Variants in PVALB observed in about 807,000 individuals in gnomAD.
PVALB encodes the protein parvalbumin alpha.
In PVALB, 11 loss-of-function variants were observed where a neutral mutation model predicts 10.9. That is an observed-to-expected ratio of 1.01 (90% CI 0.63 to 1.67). The LOEUF is 1.67. PVALB is among the 40% of genes most tolerant of loss of function. The probability of loss-of-function intolerance (pLI) is 0.00; values close to 1 mark genes in which losing one functional copy is unlikely to be tolerated. For missense variants in PVALB, 131 were observed against 136.2 expected (o/e 0.96, Z 0.19); for synonymous variants, 57 against 50.7 (o/e 1.12, Z -0.53).
intron 1 of PVALB, 92 bp downstream of exon 1, chr22:36,816,853 G>C (rs903762070): frequency 6.0e-6 from 7 of 1,165,490 alleles, no homozygotes; most frequent in Non-Finnish European, 8.3e-6. Context: ...AAGCGCGCTG[G>C]GGAGGATCCG....
rs1939150706 is a variant in PVALB at position 36,816,968 on chromosome 22, T to C, written c.38A>G (p.Lys13Arg). 6.2e-7 allele frequency: 1 copy of C among 1,609,696 alleles called. No individual in the cohort carries two copies. Among genetic ancestry groups the C allele is most frequent in the Non-Finnish European group, 8.5e-7 (1 of 1,178,892 alleles). Residue 13 changes from lysine (K) to arginine (R), a missense_variant, in exon 1 of 4, where the codon AAG becomes AGG. Lys to Arg is a conservative substitution (Grantham distance 26). Transcript: ENST00000417718. ...MTDLLNAEDI[K>R]KAVGAFSATD... ...ACCGCTAAAGGCTCCCACCGCCTTC[T>C]TGATGTCCTCAGCGTTCAGCAAGTC... is the stretch of plus-strand genomic sequence containing the variant.
chr22:36,805,986 T>C (rs1938943092), intron 3 of PVALB, among the ~76,000 whole-genome samples: 1 of 152,150 alleles, frequency 6.6e-6, no homozygotes, highest in African/African-American at 2.4e-5. Context: ...GCAACTTAGT[T>C]CCTGATCCTC....
chr22:36,807,106 G>C (rs971200507), intron 3 of PVALB, among the ~76,000 whole-genome samples: 1 of 152,186 alleles, frequency 6.6e-6, no homozygotes, highest in East Asian at 1.9e-4. Context: ...AAGTCCACAC[G>C]GGAATAAAAA....
chr22:36,801,179 C>T (rs938499725), intron 3 of PVALB, among the ~76,000 whole-genome samples: 1 of 152,192 alleles, frequency 6.6e-6, no homozygotes, highest in African/African-American at 2.4e-5. Context: ...ATAATAACTA[C>T]ACTAATAACA....
chr22:36,800,948 T>G, intron 3 of PVALB, 30 bp from the exon 4 acceptor site: 1 of 1,576,460 alleles, frequency 6.3e-7, no homozygotes, highest in Non-Finnish European at 8.7e-7. Flanking sequence ...GGAAAGTGAG[T>G]CAGAGGCGGG....
intron 3 of PVALB, among the ~76,000 whole-genome samples, chr22:36,804,278 T>G (rs952634740): frequency 1.3e-5 from 2 of 152,130 alleles, no homozygotes; most frequent in Non-Finnish European, 2.9e-5. Flanking sequence ...GGGACACCAA[T>G]GAGGGACTCT....
chr22:36,813,889 C>A (rs1195905886), intron 2 of PVALB, 134 bp from the exon 3 acceptor site: 8 of 713,992 alleles, frequency 1.1e-5, no homozygotes, highest in Admixed American at 2.1e-5. Flanking sequence ...CAGTCACGCA[C>A]ACGGATGCTC....
At chr22:36,804,683 C>T (rs1291392445) in intron 3 of PVALB, among the ~76,000 whole-genome samples, 2 of 152,206 alleles carry the variant, frequency 1.3e-5, no homozygotes, top group Non-Finnish European at 2.9e-5. Flanking sequence ...TGCCTGTAAT[C>T]ACAGCACTTT....
intron 3 of PVALB, among the ~76,000 whole-genome samples, chr22:36,809,627 C>A (rs1243607678): frequency 6.6e-6 from 1 of 152,146 alleles, no homozygotes; most frequent in East Asian, 1.9e-4. Context: ...GTATACACTT[C>A]AGAGATAGCT....
intron 3 of PVALB, among the ~76,000 whole-genome samples, chr22:36,802,185 A>T (rs1455599795): frequency 6.6e-6 from 1 of 152,168 alleles, no homozygotes; most frequent in Non-Finnish European, 1.5e-5. Context: ...AGCTGGGTGA[A>T]GGGTGTACAG....
In PVALB at chr22:36,800,809, G is replaced by T; in HGVS notation, c.*81C>A. On this transcript the variant is annotated 3_prime_UTR_variant, in exon 4 of 4. Transcript: ENST00000417718. ...AAAAATAACATAAACGAACTGAACA[G>T]AAATGCAGGAGGGTGGCGAGAGGGG... 1 of 1,457,126 alleles carries T rather than the reference G, an allele frequency of 6.9e-7. No homozygotes were observed. The highest frequency in any genetic ancestry group is 9.6e-7 in the Non-Finnish European group (1 of 1,037,338). The allele number at this position is 1,457,126 out of a possible 1,614,324, so 90.3% of individuals were successfully genotyped here. A position where few individuals can be genotyped will look rare whatever the true frequency, so the allele number is the denominator to read the frequency against.
At chr22:36,812,616 A>C (rs5750310) in intron 3 of PVALB, among the ~76,000 whole-genome samples, 59,696 of 151,660 alleles carry the variant, frequency 0.39, 14,015 homozygotes, top group East Asian at 0.7. Flanking sequence ...GTAGTTATCA[A>C]ATTACGCAAG....
At chr22:36,819,068 A>G (rs1282742853), upstream of PVALB, among the ~76,000 whole-genome samples, 1 of 152,066 alleles carries the variant, frequency 6.6e-6, no homozygotes, top group Non-Finnish European at 1.5e-5. Flanking sequence ...CAGAGCATCA[A>G]TGTCATTAGG....
At chr22:36,803,147 A>T (rs1410573232) in intron 3 of PVALB, among the ~76,000 whole-genome samples, 1 of 152,168 alleles carries the variant, frequency 6.6e-6, no homozygotes, top group East Asian at 1.9e-4. Context: ...TGCATTTTAC[A>T]GATGGGGAAA....
intron 3 of PVALB, among the ~76,000 whole-genome samples, chr22:36,811,731 T>A (rs897987050): frequency 3.3e-5 from 5 of 152,062 alleles, no homozygotes; most frequent in African/African-American, 1.2e-4. Flanking sequence ...GAGGCCAGGG[T>A]CAGGGTTCAG....
Position 36,813,449 on chromosome 22 carries a change from G to A in PVALB, c.304+197C>T, listed in dbSNP as rs766500247. Reference sequence around the variant, plus strand: ...TATTCCTTTTAGGTTTTCAAATTAGGAAAATACACCAGTTTTCCTTTGTCT... The same window carrying A: ...TATTCCTTTTAGGTTTTCAAATTAGAAAAATACACCAGTTTTCCTTTGTCT... On this transcript the variant is annotated intron_variant, in intron 3 of 3. Transcript: ENST00000417718. 32 of 540,616 alleles carry A rather than the reference G, an allele frequency of 5.9e-5. 2 individuals carry two copies. In the Middle Eastern group the frequency reaches 7.2e-3, roughly 122 times the overall value. 33.5% of individuals were successfully genotyped at this position (540,616 alleles called of 1,614,324 possible).
chr22:36,802,601 CACAAAA>C (rs1938883814), intron 3 of PVALB, among the ~76,000 whole-genome samples: 2 of 54,910 alleles, frequency 3.6e-5, no homozygotes, highest in Non-Finnish European at 3.7e-5. Flanking sequence ...CTCCATCTCA[CACAAAA>C]AAAAAAAAAA....
chr22:36,813,146 G>A (rs775497256), intron 3 of PVALB, among the ~76,000 whole-genome samples: 3 of 152,180 alleles, frequency 2.0e-5, no homozygotes, highest in Admixed American at 6.5e-5. Flanking sequence ...GGGGTTACAG[G>A]ACACCAGGAC....
intron 3 of PVALB, among the ~76,000 whole-genome samples, chr22:36,808,448 C>T (rs113549274): frequency 1.3e-5 from 2 of 152,174 alleles, no homozygotes; most frequent in African/African-American, 4.8e-5. Flanking sequence ...AGTTCTAGCT[C>T]TGCTACAGAG....
Sources: allele counts gnomAD v4.1 joint callset (sites outside exome capture counted in the v4.1 genomes callset), GRCh38; gene constraint gnomAD v4.1.1; transcripts MANE v1.5; gene names NCBI Gene and HGNC (gene_info 2026-07-23, HGNC 2026-07-21).